Variants in WDTC1 observed in about 807,000 individuals in gnomAD.
WDTC1 encodes the protein WD and tetratricopeptide repeats 1, also known as WD and tetratricopeptide repeats protein 1.
Under a neutral mutation model 76.0 loss-of-function variants are expected in WDTC1, and 12 were observed. The ratio of observed to expected loss-of-function variants is 0.16; its 90% confidence interval spans 0.10 to 0.26. The LOEUF is 0.26. Ranked by LOEUF, WDTC1 falls within the 10% of genes least tolerant of loss-of-function variation. The pLI is 1.00. For missense variants in WDTC1, 511 were observed against 908.8 expected, an observed-to-expected ratio of 0.56 and a Z score of 5.63; for synonymous variants, 326 against 350.8, an observed-to-expected ratio of 0.93 and a Z score of 0.79.
In WDTC1 at chr1:27,299,372, G is replaced by T. The variant is rs77219452; in HGVS notation, c.1232+1261G>T. On this transcript the variant is annotated intron_variant, in intron 12 of 15. Transcript: ENST00000319394. ...CTTGTGAATGGTCAGGTAAAGGGCT[G>T]TGGGCATCAAGAAAAGTTGGGTCGC... Among the ~76,000 whole-genome samples, 5 of 152,274 alleles carry T rather than the reference G, an allele frequency of 3.3e-5. No individual in the cohort carries two copies. In the East Asian group the frequency reaches 9.6e-4, roughly 29 times the overall value.
intron 1 of WDTC1, among the ~76,000 whole-genome samples, chr1:27,245,221 A>G (rs1284615618): frequency 1.3e-5 from 2 of 151,826 alleles, no homozygotes; most frequent in African/African-American, 4.9e-5. Flanking sequence ...TTAGCTTTCT[A>G]ACTTCCTAAA....
intron 5 of WDTC1, among the ~76,000 whole-genome samples, chr1:27,285,554 C>T (rs1161303322): frequency 6.6e-6 from 1 of 151,982 alleles, no homozygotes; most frequent in African/African-American, 2.4e-5. Context: ...AATTCAACAC[C>T]ACTCCCAAAT....
At chr1:27,251,033 ATTTTTTTTTTTTTTTTTTTTTTT>A (rs71584875) in intron 1 of WDTC1, among the ~76,000 whole-genome samples, 15 of 28,686 alleles carry the variant, frequency 5.2e-4, no homozygotes, top group South Asian at 3.0e-3. Flanking sequence ...CTCCTGGCTA[ATTTTTTTTTTTTTTTTTTTTTTT>A]TTTTTTTTTT....
intron 1 of WDTC1, among the ~76,000 whole-genome samples, chr1:27,247,474 T>G (rs2011881773): frequency 6.6e-6 from 1 of 152,136 alleles, no homozygotes; most frequent in African/African-American, 2.4e-5. Flanking sequence ...CCTCTTCCTC[T>G]TCCCACCCTC....
At chr1:27,294,659 A>G (rs1212557301) in intron 9 of WDTC1, 30 bp downstream of exon 9, 3 of 1,598,102 alleles carry the variant, frequency 1.9e-6, no homozygotes, top group African/African-American at 1.3e-5. Flanking sequence ...GTTCTGCCCC[A>G]TCACCATTCC....
intron 6 of WDTC1, among the ~76,000 whole-genome samples, chr1:27,289,473 C>T (rs1489745904): frequency 3.3e-5 from 5 of 149,714 alleles, no homozygotes; most frequent in East Asian, 2.0e-4. Context: ...GGATGGCGGC[C>T]GGGCAGAGAC....
At chr1:27,249,401 A>T (rs771710008) in intron 1 of WDTC1, among the ~76,000 whole-genome samples, 7 of 152,128 alleles carry the variant, frequency 4.6e-5, no homozygotes, top group Non-Finnish European at 1.0e-4. Context: ...ATTATGCAAT[A>T]TGTAGGCTTC....
At chr1:27,296,435 G>A (rs778071607) in intron 10 of WDTC1, 34 bp downstream of exon 10, 46 of 1,610,372 alleles carry the variant, frequency 2.9e-5, no homozygotes, top group Non-Finnish European at 3.6e-5. Flanking sequence ...CTACTGCGGC[G>A]GTGTAGGGGA....
At chr1:27,263,511 G>T (rs2012554414) in intron 3 of WDTC1, among the ~76,000 whole-genome samples, 1 of 152,158 alleles carries the variant, frequency 6.6e-6, no homozygotes, top group Non-Finnish European at 1.5e-5. Flanking sequence ...TCTGCTTACT[G>T]CAAGCTCTGC....
chr1:27,234,493 A>T (rs908790751), upstream of WDTC1: 16 of 329,072 alleles, frequency 4.9e-5, no homozygotes, highest in South Asian at 1.1e-3. Context: ...CCGGCAGCAG[A>T]CGTTGACCGG....
At chr1:27,297,282 C>A in intron 11 of WDTC1, 126 bp downstream of exon 11, 3 of 856,208 alleles carry the variant, frequency 3.5e-6, no homozygotes, top group Non-Finnish European at 5.3e-6. Flanking sequence ...GAGTGAGGAC[C>A]AAGGCAAAGA....
At chr1:27,285,751 T>C (rs1023598285) in intron 5 of WDTC1, among the ~76,000 whole-genome samples, 1 of 151,600 alleles carries the variant, frequency 6.6e-6, no homozygotes, top group African/African-American at 2.4e-5. Context: ...CACACCCGGC[T>C]AATTTTTTGT....
At chr1:27,259,713 G>A (rs1199434526) in intron 1 of WDTC1, among the ~76,000 whole-genome samples, 2 of 152,042 alleles carry the variant, frequency 1.3e-5, no homozygotes, top group Non-Finnish European at 2.9e-5. Flanking sequence ...CACAGGAACA[G>A]GTTGCTTCAA....
chr1:27,289,733 G>A (rs576299963), intron 6 of WDTC1, among the ~76,000 whole-genome samples: 7 of 152,080 alleles, frequency 4.6e-5, no homozygotes, highest in South Asian at 2.1e-4. Flanking sequence ...CTGCAATCCC[G>A]GCACCTCGGG....
At chr1:27,294,254 T>C (rs1289796121) in intron 8 of WDTC1, 138 bp downstream of exon 8, 2 of 925,140 alleles carry the variant, frequency 2.2e-6, no homozygotes, top group African/African-American at 1.7e-5. Context: ...TAATCCCAAC[T>C]CTGCCATTGA....
Position 27,261,081 on chromosome 1 carries a change from C to T in WDTC1, c.27C>T (p.Asp9=). The T allele has an allele frequency of 6.2e-7, 1 of 1,614,118 alleles. No homozygotes were observed. The highest frequency in any genetic ancestry group is 8.5e-7 in the Non-Finnish European group (1 of 1,179,998). The change falls in exon 2 of 16, where the codon GAC becomes GAT. Residue 9 remains aspartate, a synonymous_variant. Transcript: ENST00000319394. The part of the protein sequence containing the change: MAKVNITR[D]LIRRQIKERG... The stretch of plus-strand genomic sequence containing the variant: ...TGGCGAAAGTCAACATAACTAGAGA[C>T]CTCATCCGTAGGCAGATCAAGGTAA...
Position 27,306,075 on chromosome 1 carries a change from TC to T in WDTC1, c.1837-106del. On this transcript the variant is annotated intron_variant, in intron 15 of 15. Transcript: ENST00000319394. This position sits in a 1 kb window ranked among gnomAD's most constrained non-coding sequence, Gnocchi z 5.0. ...ACACCTCCTGGCATGTATGTGTACC[TC>T]CCCCTATAGATAGTTTAGTCTGTGT... 8.3e-7 allele frequency: 1 copy of T among 1,209,268 alleles called. No homozygotes were observed. The highest frequency in any genetic ancestry group is 1.2e-6 in the Non-Finnish European group (1 of 851,988). The allele number at this position is 1,209,268 out of a possible 1,614,324, so 74.9% of individuals were successfully genotyped here.
chr1:27,269,615 T>TC (rs1341908557), intron 3 of WDTC1, among the ~76,000 whole-genome samples: 1 of 142,698 alleles, frequency 7.0e-6, no homozygotes, highest in Non-Finnish European at 1.5e-5. Context: ...TGTTTTTTTT[T>TC]TTTCGGTTTT....
chr1:27,269,606 G>GTTTTTTTTTTTTTTGTTT (rs56885576), intron 3 of WDTC1, among the ~76,000 whole-genome samples: 2 of 119,480 alleles, frequency 1.7e-5, no homozygotes, highest in African/African-American at 3.1e-5. Flanking sequence ...TTTGTTTTTT[G>GTTTTTTTTTTTTTTGTTT]TTTTTTTTTT....
Sources: gnomAD v4.1 joint callset for allele counts (sites outside exome capture counted in the v4.1 genomes callset) on GRCh38, gnomAD v4.1.1 for gene constraint, Gnocchi (gnomAD v3.1) non-coding constraint, MANE v1.5 for transcripts, NCBI Gene and HGNC (gene_info 2026-07-23, HGNC 2026-07-21) for gene names.